Variants in FRMPD4 observed in about 807,000 individuals in gnomAD.
FRMPD4 encodes FERM and PDZ domain containing 4.
FRMPD4 carries 22 observed loss-of-function variants against 94.1 expected under a neutral mutation model. The observed-to-expected ratio is 0.23, with a 90% CI of 0.17 to 0.33. The LOEUF (loss-of-function observed/expected upper bound fraction) is 0.33, where lower values mean the gene tolerates loss of function less well. Ranked by LOEUF, FRMPD4 falls within the 10% of genes least tolerant of loss-of-function variation. FRMPD4 has a pLI of 1.00. For missense variants in FRMPD4, 1,111 were observed against 1,339.9 expected (o/e 0.83, Z 2.67); for synonymous variants, 631 against 548.6 (o/e 1.15, Z -2.10).
chrX:12,180,453 C>T (rs1224973909), intron 1 of FRMPD4, among the ~76,000 whole-genome samples: 1 of 111,506 alleles, frequency 9.0e-6, no homozygotes, highest in Non-Finnish European at 1.9e-5. Context: ...AAATACCCAT[C>T]GCAATACATC....
chrX:12,332,679 T>G (rs750383583), intron 1 of FRMPD4, among the ~76,000 whole-genome samples: 1 of 111,919 alleles, frequency 8.9e-6, no homozygotes, highest in African/African-American at 3.2e-5. Context: ...TGATCTTTGG[T>G]TCATGGGTTA....
At chrX:12,280,653 C>T (rs759710670) in intron 1 of FRMPD4, among the ~76,000 whole-genome samples, 1 of 111,919 alleles carries the variant, frequency 8.9e-6, no homozygotes, top group African/African-American at 3.2e-5. Context: ...CCATTGGCCT[C>T]TGAGAGGAAA....
chrX:12,374,172 G>A (rs1482107882), intron 1 of FRMPD4, among the ~76,000 whole-genome samples: 4 of 111,947 alleles, frequency 3.6e-5, no homozygotes, highest in Non-Finnish European at 5.6e-5. Context: ...CTTTGAACAG[G>A]TTTAAGGAAA....
intron 4 of FRMPD4, among the ~76,000 whole-genome samples, chrX:12,617,253 A>T (rs1160202242): frequency 2.7e-5 from 3 of 112,380 alleles, no homozygotes; most frequent in Non-Finnish European, 5.6e-5. Flanking sequence ...AAAAGTTGAA[A>T]AAATATATTT....
chrX:12,098,268 AAAAG>A (rs1360879691), intron 3 of FRMPD4, among the ~76,000 whole-genome samples: 3 of 32,521 alleles, frequency 9.2e-5, no homozygotes, highest in African/African-American at 2.8e-4. Context: ...AACAGAAAGA[AAAAG>A]AAAAAAAAAA....
chrX:12,603,458 G>A (rs1285494927), intron 2 of FRMPD4, among the ~76,000 whole-genome samples: 1 of 112,262 alleles, frequency 8.9e-6, no homozygotes, highest in Non-Finnish European at 1.9e-5. Context: ...TGAGAAAGAA[G>A]GGCTCCAAGA....
intron 2 of FRMPD4, among the ~76,000 whole-genome samples, chrX:11,866,502 T>C (rs747971811): frequency 1.8e-5 from 2 of 111,905 alleles, no homozygotes; most frequent in African/African-American, 6.5e-5. Flanking sequence ...ACAAATTCTG[T>C]GAGCTACAGT....
intron 3 of FRMPD4, among the ~76,000 whole-genome samples, chrX:12,017,467 C>CT (rs1460407616): frequency 8.9e-6 from 1 of 112,087 alleles, no homozygotes; most frequent in African/African-American, 3.2e-5. Flanking sequence ...ACTATCAATT[C>CT]TTTTTTTAAA....
At chrX:12,390,572 A>T (rs1375835457) in intron 1 of FRMPD4, among the ~76,000 whole-genome samples, 3 of 55,179 alleles carry the variant, frequency 5.4e-5, no homozygotes, top group Admixed American at 1.9e-4. Flanking sequence ...GTGGAATGAG[A>T]CTGAGTTCTT....
intron 2 of FRMPD4, among the ~76,000 whole-genome samples, chrX:12,547,948 G>A (rs1334151948): frequency 8.9e-6 from 1 of 111,991 alleles, no homozygotes; most frequent in East Asian, 2.8e-4. Flanking sequence ...AATCATTCTT[G>A]GGTACTTAAA....
chrX:12,698,917 C>T (rs952800874), intron 9 of FRMPD4, among the ~76,000 whole-genome samples: 3 of 111,323 alleles, frequency 2.7e-5, no homozygotes, highest in Non-Finnish European at 3.8e-5. Flanking sequence ...CCCATTTTTC[C>T]GATAAGGAAA....
At chrX:12,295,588 T>C (rs2054759063) in intron 1 of FRMPD4, among the ~76,000 whole-genome samples, 1 of 112,027 alleles carries the variant, frequency 8.9e-6, no homozygotes, top group South Asian at 3.7e-4. Flanking sequence ...TTTTTCTTAG[T>C]TTACCATTTT....
Position 12,236,162 on chromosome X carries a change from C to A in FRMPD4, c.41+97150C>A, listed in dbSNP as rs1433247983. 9.8e-5 allele frequency among the ~76,000 whole-genome samples: 11 copies of A among 112,107 alleles called. 1 individual carries two copies. The highest frequency in any genetic ancestry group is 2.1e-4 in the Non-Finnish European group (11 of 53,253). On this transcript the variant is annotated intron_variant, in intron 1 of 16. Transcript: ENST00000675598. ...GGACTGAGACATCTTCTGTTTAAAA[C>A]AACTTAACATTTACAAACTATTTAA...
chrX:12,457,623 T>C (rs1461597018), intron 1 of FRMPD4, among the ~76,000 whole-genome samples: 1 of 111,962 alleles, frequency 8.9e-6, no homozygotes, highest in East Asian at 2.8e-4. Flanking sequence ...TTCAACTTCC[T>C]GGGGAATATA....
chrX:12,160,097 G>GTA (rs1362576876), intron 1 of FRMPD4, among the ~76,000 whole-genome samples: 4 of 109,901 alleles, frequency 3.6e-5, no homozygotes, highest in Non-Finnish European at 1.9e-5. Context: ...GTGTGTGTGT[G>GTA]TATGTGCCTG....
rs370851074 is a variant in FRMPD4 at position 12,718,098 on chromosome X, A to G, written c.3272A>G (p.Gln1091Arg). 4.1e-6 allele frequency: 5 copies of G among 1,209,712 alleles called. No homozygotes were observed. Among genetic ancestry groups the G allele is most frequent in the African/African-American group, 3.5e-5 (2 of 57,225 alleles). Reference sequence around the variant, plus strand: ...AGAACTGCCTTTCGCAAGGACAGTCAAAGATGGTATGTGGCCACTGAAGGT... The same window carrying G: ...AGAACTGCCTTTCGCAAGGACAGTCGAAGATGGTATGTGGCCACTGAAGGT... ...LERTAFRKDS[Q>R]RWYVATEGGM... Residue 1091 changes from glutamine (Q) to arginine (R), a missense_variant, in exon 16 of 17, where the codon CAA becomes CGA. Around this residue, in one of 8 missense-constraint regions of FRMPD4, gnomAD observed 551 missense variants for 591.6 expected, o/e 0.93. Transcript: ENST00000675598.
intron 1 of FRMPD4, among the ~76,000 whole-genome samples, chrX:12,294,645 A>T (rs1333509112): frequency 8.9e-6 from 1 of 111,807 alleles, no homozygotes; most frequent in Non-Finnish European, 1.9e-5. Flanking sequence ...CATGTCTTTG[A>T]TCTAACCTGG....
chrX:12,575,264 A>G (rs2058798707), intron 2 of FRMPD4, among the ~76,000 whole-genome samples: 1 of 111,556 alleles, frequency 9.0e-6, no homozygotes, highest in Admixed American at 9.5e-5. Flanking sequence ...TCATCTGTTA[A>G]GTAGATCATA....
At chrX:11,834,816 A>G (rs2053493054) in intron 1 of FRMPD4, among the ~76,000 whole-genome samples, 1 of 112,269 alleles carries the variant, frequency 8.9e-6, no homozygotes, top group Non-Finnish European at 1.9e-5. Context: ...TTAAAAAACC[A>G]TAACACATGC....
Sources: allele counts gnomAD v4.1 joint callset (sites outside exome capture counted in the v4.1 genomes callset), GRCh38; gene constraint gnomAD v4.1.1; regional missense constraint gnomAD v4.1.1; transcripts MANE v1.5; gene names NCBI Gene and HGNC (gene_info 2026-07-23, HGNC 2026-07-21).